The following TBX22 variants were observed in gnomAD, a reference collection of about 807,000 sequenced individuals.
TBX22 encodes the protein T-box transcription factor TBX22.
In TBX22, 8 loss-of-function variants were observed where a neutral mutation model predicts 30.1. That is an observed-to-expected ratio of 0.27 (90% confidence interval 0.16 to 0.48). The LOEUF is 0.48. TBX22 is among the 20% of genes least tolerant of loss of function. The pLI, the probability that TBX22 is intolerant of heterozygous loss-of-function variation, is 0.99. For synonymous variants in TBX22, 173 were observed against 149.1 expected (o/e 1.16, Z -1.17); for missense variants, 463 against 400.5 (o/e 1.16, Z -1.33).
At chrX:80,025,855 G>A (rs1923949451) in intron 5 of TBX22, 78 bp downstream of exon 5, 3 of 954,075 alleles carry the variant, frequency 3.1e-6, no homozygotes, top group Admixed American at 2.7e-5. Context: ...AGAGGCCAGG[G>A]AGGCTTTTTG....
intron 8 of TBX22, among the ~76,000 whole-genome samples, chrX:80,029,332 A>G (rs1924136358): frequency 8.9e-6 from 1 of 112,268 alleles, no homozygotes; most frequent in Admixed American, 9.5e-5. Context: ...GACATTTACA[A>G]AAATAAGCTT....
Position 80,023,130 on chromosome X carries a change from C to G in TBX22, c.246C>G (p.Asn82Lys). 1 of 1,211,763 alleles carries G rather than the reference C, an allele frequency of 8.3e-7. No homozygotes were observed. Among genetic ancestry groups the G allele is most frequent in the Non-Finnish European group, 1.1e-6 (1 of 895,350 alleles). ...GCGGCAGCGACAGCGGCTACGGCAA[C>G]AGCTCTGAAAGTCTGGAAGAGAAAG... ...SGCGSDSGYG[N>K]SSESLEEKDI... Residue 82 changes from asparagine (N) to lysine (K), a missense_variant, in exon 3 of 9, where the codon AAC becomes AAG. Physicochemically the swap from Asn to Lys is moderately conservative, Grantham distance 94. Transcript: ENST00000373296.
chrX:80,027,772 G>C (rs1924051419), intron 7 of TBX22, among the ~76,000 whole-genome samples: 1 of 112,094 alleles, frequency 8.9e-6, no homozygotes, highest in Non-Finnish European at 1.9e-5. Flanking sequence ...CAGATGTTTT[G>C]TGTTGAAAAC....
intron 1 of TBX22, 44 bp from the exon 2 acceptor site, chrX:80,022,224 T>G (rs1170054806): frequency 2.8e-5 from 33 of 1,189,928 alleles, no homozygotes; most frequent in Non-Finnish European, 3.8e-5. Context: ...CTAACCCAGT[T>G]CAGGTTGAAA....
chrX:80,023,151 G>C lies in TBX22; in HGVS notation c.267G>C (p.Glu89Asp), dbSNP rs1923805065. 2.5e-6 allele frequency: 3 copies of C among 1,211,890 alleles called. No individual in the cohort carries two copies. Among genetic ancestry groups the C allele is most frequent in the African/African-American group, 3.5e-5 (2 of 57,873 alleles). ...GCAACAGCTCTGAAAGTCTGGAAGA[G>C]AAAGATATTCAAATGGAGCTTCAAG... is the stretch of plus-strand genomic sequence containing the variant. ...GYGNSSESLEEKDIQMELQGS... is the reference protein window; with the variant it reads ...GYGNSSESLEDKDIQMELQGS... Residue 89 changes from glutamate (E) to aspartate (D), a missense_variant, in exon 3 of 9, where the codon GAG (glutamate) becomes GAC (aspartate). Transcript: ENST00000373296.
At chrX:80,022,246 A>G in intron 1 of TBX22, 22 bp from the exon 2 acceptor site, 1 of 1,209,351 alleles carries the variant, frequency 8.3e-7, no homozygotes, top group Non-Finnish European at 1.1e-6. Context: ...TTTGCTGCAA[A>G]GAATCCCTTC....
intron 4 of TBX22, 46 bp downstream of exon 4, chrX:80,024,210 G>A: frequency 8.9e-7 from 1 of 1,124,751 alleles, no homozygotes; most frequent in Non-Finnish European, 1.2e-6. Flanking sequence ...GCTAGGGCCA[G>A]GGATTTGGAC....
At position 80,028,747 on chromosome X, in the gene TBX22, T is replaced by C. The variant is rs183131443; in HGVS notation, c.949+671T>C. ...ATTTTTATTTGAAAATGACATGGAT[T>C]TTTTTTATCCCTTTGTCTTTACTCC... On this transcript the variant is annotated intron_variant, in intron 8 of 8. Coordinates refer to ENST00000373296, the MANE Select transcript of TBX22 (RefSeq NM_001109878.2). 3.9e-4 allele frequency among the ~76,000 whole-genome samples: 44 copies of C among 111,741 alleles called. No individual in the cohort carries two copies. In the East Asian group the frequency reaches 0.012, roughly 31 times the overall value.
In TBX22 at chrX:80,031,221, T is replaced by C. The variant is rs781740093; in HGVS notation, c.*110T>C. On this transcript the variant is annotated 3_prime_UTR_variant, in exon 9 of 9. Coordinates refer to ENST00000373296, the MANE Select transcript of TBX22 (RefSeq NM_001109878.2). ...CTTAAAAAGCATCATTACAATACAG[T>C]ATTTCTTTGTTATACATTTAAAGAT... 1 of 705,764 alleles carries C rather than the reference T, an allele frequency of 1.4e-6. No individual in the cohort carries two copies. The highest frequency in any genetic ancestry group is 2.2e-5 in the African/African-American group (1 of 45,994). The allele number at this position is 705,764 out of a possible 1,213,427, so 58.2% of individuals were successfully genotyped here. A position where few individuals can be genotyped will look rare whatever the true frequency, so the allele number is the denominator to read the frequency against.
chrX:80,020,333 G>A (rs1291146843), intron 1 of TBX22, among the ~76,000 whole-genome samples: 1 of 91,751 alleles, frequency 1.1e-5, no homozygotes, highest in Admixed American at 1.2e-4. Context: ...CATATAGATA[G>A]ATAGACAGAT....
intron 8 of TBX22, among the ~76,000 whole-genome samples, chrX:80,028,294 T>G (rs979031465): frequency 2.1e-4 from 24 of 112,124 alleles, no homozygotes; most frequent in African/African-American, 7.8e-4. Context: ...AATTGTAGAC[T>G]TATTGACATA....
chrX:80,030,847 T>C lies in TBX22; in HGVS notation c.1299T>C (p.Tyr433=), dbSNP rs774342643. 8.3e-7 allele frequency: 1 copy of C among 1,212,040 alleles called. No individual in the cohort carries two copies. Among genetic ancestry groups the C allele is most frequent in the African/African-American group, 1.7e-5 (1 of 57,891 alleles). ...CATCTGAAGACTCCAGTGATCAGTA[T>C]CTACAAGCACCTAATTCTACCAATC... ...SGSSEDSSDQ[Y]LQAPNSTNQM... is the part of the protein sequence containing the mutation. The change falls in exon 9 of 9, where the codon TAT becomes TAC. Residue 433 remains tyrosine, a synonymous_variant. Transcript: ENST00000373296.
intron 1 of TBX22, among the ~76,000 whole-genome samples, chrX:80,018,369 A>G (rs1464060699): frequency 1.8e-5 from 2 of 112,329 alleles, no homozygotes; most frequent in African/African-American, 6.5e-5. Context: ...CATGTTTCCT[A>G]TGGATTTTTG....
intron 2 of TBX22, among the ~76,000 whole-genome samples, chrX:80,022,851 G>T (rs927587239): frequency 1.8e-5 from 2 of 108,874 alleles, no homozygotes; most frequent in African/African-American, 3.3e-5. Flanking sequence ...GTGTGGGCGG[G>T]GGGTAGGTGT....
At chrX:80,022,641 C>A (rs1923769927) in intron 2 of TBX22, 197 bp downstream of exon 2, 3 of 472,764 alleles carry the variant, frequency 6.3e-6, no homozygotes, top group Non-Finnish European at 7.4e-6. Context: ...AGGGGAGGGT[C>A]CCTACATAAT....
chrX:80,030,499 T>C lies in TBX22; in HGVS notation c.951T>C (p.Ser317=). The change falls in exon 9 of 9, where the codon AGT becomes AGC. Residue 317 remains serine, a splice_region_variant and synonymous_variant. Coordinates refer to ENST00000373296, the MANE Select transcript of TBX22 (RefSeq NM_001109878.2). ...CATTGGCTGAATTGTCATTCACAGG[T>C]GGAAGCAGTGGCTCATCTCCAGTGA... The part of the protein sequence containing the change: ...DFKTFGADTQ[S]GSSGSSPVTS... 4 of 1,211,430 alleles carry C rather than the reference T, an allele frequency of 3.3e-6. No homozygotes were observed. The highest frequency in any genetic ancestry group is 4.5e-6 in the Non-Finnish European group (4 of 895,312).
At chrX:80,023,303 G>T (rs1482830169) in intron 3 of TBX22, 63 bp downstream of exon 3, 4 of 1,052,537 alleles carry the variant, frequency 3.8e-6, no homozygotes, top group Non-Finnish European at 5.3e-6. Flanking sequence ...TTACCGCTCT[G>T]GTAAGATGAG....
At chrX:80,020,071 G>A (rs182213647) in intron 1 of TBX22, among the ~76,000 whole-genome samples, 87 of 111,060 alleles carry the variant, frequency 7.8e-4, no homozygotes, top group African/African-American at 2.6e-3. Context: ...ACCAAGCAAA[G>A]TTGTCCCTTT....
rs767034098 is a variant in TBX22 at position 80,025,656 on chromosome X, G to A, written c.512G>A (p.Cys171Tyr). 8.3e-7 allele frequency: 1 copy of A among 1,208,928 alleles called. No individual in the cohort carries two copies. The highest frequency in any genetic ancestry group is 3.0e-5 in the East Asian group (1 of 33,803). The change falls in exon 5 of 9, where the codon TGC (cysteine) becomes TAC (tyrosine). Residue 171 changes from cysteine to tyrosine, a missense_variant. By Grantham distance (194) the Cys-to-Tyr change is radical. Transcript: ENST00000373296. ...WMVAGNTDHL[C>Y]IIPRFYVHPD... ...GTAGCTGGGAATACAGACCATTTGTGCATCATTCCTAGATTCTATGTTCAC... is the reference window on the plus strand; with the variant it reads ...GTAGCTGGGAATACAGACCATTTGTACATCATTCCTAGATTCTATGTTCAC...
Sources: allele counts gnomAD v4.1 joint callset (sites outside exome capture counted in the v4.1 genomes callset), GRCh38; gene constraint gnomAD v4.1.1; transcripts MANE v1.5; gene names NCBI Gene and HGNC (gene_info 2026-07-23, HGNC 2026-07-21).